PARVA: variants seen among roughly 807,000 people sequenced by gnomAD.
PARVA encodes the protein alpha-parvin.
A neutral mutation model predicts 52.6 loss-of-function variants in PARVA; 25 were observed. The observed-to-expected ratio is 0.48, with a 90% confidence interval of 0.35 to 0.66. The LOEUF (loss-of-function observed/expected upper bound fraction) is 0.66. Ranked by LOEUF, PARVA falls within the 30% of genes least tolerant of loss-of-function variation. The pLI, the probability that PARVA is intolerant of heterozygous loss-of-function variation, is 0.01. For synonymous variants in PARVA, 185 were observed against 179.1 expected (o/e 1.03, Z -0.26); for missense variants, 373 against 450.9 (o/e 0.83, Z 1.56).
intron 11 of PARVA, 43 bp downstream of exon 11, chr11:12,517,754 C>A (rs986679122): frequency 2.2e-6 from 3 of 1,370,998 alleles, no homozygotes; most frequent in South Asian, 1.2e-5. Context: ...AGCCCACATC[C>A]CCTGACTCAT....
chr11:12,378,160 C>T (rs1048345326), intron 1 of PARVA, among the ~76,000 whole-genome samples: 12 of 152,048 alleles, frequency 7.9e-5, no homozygotes, highest in Non-Finnish European at 1.5e-4. Context: ...CCCTGCCCCG[C>T]CCTCTGCGCC....
chr11:12,522,001 G>A (rs1941642807), intron 12 of PARVA, among the ~76,000 whole-genome samples: 1 of 152,164 alleles, frequency 6.6e-6, no homozygotes, highest in Admixed American at 6.5e-5. Flanking sequence ...TTGATTTCTA[G>A]AATTCAGAGA....
chr11:12,400,744 G>A (rs993177973), intron 1 of PARVA, among the ~76,000 whole-genome samples: 4 of 152,122 alleles, frequency 2.6e-5, no homozygotes, highest in African/African-American at 9.7e-5. Flanking sequence ...TTTTGCAACT[G>A]TTTTGCATCC....
chr11:12,439,400 C>T (rs963808922), intron 1 of PARVA, among the ~76,000 whole-genome samples: 7 of 152,146 alleles, frequency 4.6e-5, no homozygotes, highest in African/African-American at 1.4e-4. Context: ...GGACTCTGCC[C>T]GTTTGATTCA....
At chr11:12,471,882 C>T (rs370304852) in intron 1 of PARVA, among the ~76,000 whole-genome samples, 28 of 152,206 alleles carry the variant, frequency 1.8e-4, no homozygotes, top group African/African-American at 6.8e-4. Context: ...CTTCATTGGC[C>T]AGTAAGCCTA....
intron 12 of PARVA, among the ~76,000 whole-genome samples, chr11:12,518,805 T>G (rs1941603956): frequency 6.6e-6 from 1 of 152,192 alleles, no homozygotes; most frequent in Admixed American, 6.5e-5. Flanking sequence ...TTTCCAGGTT[T>G]TCCTGTCCCT....
Position 12,434,199 on chromosome 11 carries a change from T to C in PARVA, c.137-39546T>C, listed in dbSNP as rs866133131. On this transcript the variant is annotated intron_variant, in intron 1 of 12. Transcript: ENST00000334956. ...TACCACGTAAGCAGTTTTTCCATCC[T>C]GTTTTGAAAGGCAGTGGGGGGCAAG... Among the ~76,000 whole-genome samples, 13 of 152,302 alleles carry C rather than the reference T, an allele frequency of 8.5e-5. No homozygotes were observed. In the South Asian group the frequency reaches 2.7e-3, roughly 32 times the overall value.
intron 1 of PARVA, among the ~76,000 whole-genome samples, chr11:12,402,300 A>G (rs1939839382): frequency 6.6e-6 from 1 of 152,176 alleles, no homozygotes; most frequent in South Asian, 2.1e-4. Flanking sequence ...GCAAAACCAT[A>G]ACTGCCAATG....
chr11:12,529,098 G>C lies in PARVA; in HGVS notation c.*1173G>C, dbSNP rs1941740550. 1 of 152,262 alleles carries C rather than the reference G, an allele frequency of 6.6e-6. No homozygotes were observed. Among genetic ancestry groups the C allele is most frequent in the South Asian group, 2.1e-4 (1 of 4,816 alleles). The allele number at this position is 152,262 out of a possible 1,614,324, so 9.4% of individuals were successfully genotyped here. On this transcript the variant is annotated 3_prime_UTR_variant, in exon 13 of 13. Transcript: ENST00000334956. ...ACTTTAAAGAAAGGAACTTCTTTTT[G>C]CCTTCTAATTGATCATTTAGACTAT...
intron 1 of PARVA, chr11:12,398,446 C>A (rs1026843542): frequency 2.7e-5 from 4 of 149,256 alleles, no homozygotes; most frequent in African/African-American, 1.0e-4. Context: ...AGAGCCCTGA[C>A]TGGGGTAGGC....
chr11:12,504,489 T>A, intron 6 of PARVA, 60 bp downstream of exon 6: 1 of 1,041,730 alleles, frequency 9.6e-7, no homozygotes, highest in Non-Finnish European at 1.5e-6. Flanking sequence ...GTCGAGTTCC[T>A]ATGGTGCGTC....
At position 12,490,248 on chromosome 11, in the gene PARVA, G is replaced by T. The variant is rs1941217775; in HGVS notation, c.401-6210G>T. ...AAAAAAAAAAGTTAGGAGAGGCGGG[G>T]CTCAGTGACTCACGCCTGTAATCCC... On this transcript the variant is annotated intron_variant, in intron 4 of 12. Transcript: ENST00000334956. Among the ~76,000 whole-genome samples the T allele has an allele frequency of 2.0e-5, 3 of 147,788 alleles. No individual in the cohort carries two copies. In the South Asian group the frequency reaches 6.4e-4, roughly 32 times the overall value.
At chr11:12,378,132 A>G (rs1457691008) in intron 1 of PARVA, among the ~76,000 whole-genome samples, 1 of 151,768 alleles carries the variant, frequency 6.6e-6, no homozygotes, top group East Asian at 1.9e-4. Flanking sequence ...CAGCCCGCAG[A>G]CAGTGCGATC....
intron 1 of PARVA, among the ~76,000 whole-genome samples, chr11:12,456,755 C>T (rs935792243): frequency 1.3e-4 from 20 of 152,114 alleles, no homozygotes; most frequent in African/African-American, 4.6e-4. Context: ...TTGAGGCCCT[C>T]CCTGATTTCC....
In PARVA at chr11:12,529,991, G is replaced by C. The variant is rs1218688941; in HGVS notation, c.*2066G>C. 1 of 152,166 alleles carries C rather than the reference G, an allele frequency of 6.6e-6. No individual in the cohort carries two copies. The highest frequency in any genetic ancestry group is 2.4e-5 in the African/African-American group (1 of 41,440). 9.4% of individuals were successfully genotyped at this position (152,166 alleles called of 1,614,324 possible). ...CATTTTCTTGAGCAATACTGAAGCA[G>C]GATGAAGTAAGAGGAATGCATTCAT... On this transcript the variant is annotated 3_prime_UTR_variant, in exon 13 of 13. Transcript: ENST00000334956.
At chr11:12,477,735 A>G (rs1287363580) in intron 3 of PARVA, 112 bp from the exon 4 acceptor site, 3 of 667,418 alleles carry the variant, frequency 4.5e-6, no homozygotes, top group Non-Finnish European at 8.0e-6. Context: ...TGAAACTTAA[A>G]ATCTAAAGTT....
intron 6 of PARVA, among the ~76,000 whole-genome samples, chr11:12,506,561 A>G (rs900998231): frequency 1.3e-5 from 2 of 152,250 alleles, no homozygotes; most frequent in African/African-American, 4.8e-5. Context: ...AACAGTGGTC[A>G]TTGCAAGCCT....
chr11:12,401,448 G>T (rs183331201), intron 1 of PARVA, among the ~76,000 whole-genome samples: 11 of 152,268 alleles, frequency 7.2e-5, no homozygotes, highest in Admixed American at 5.9e-4. Flanking sequence ...TTGCCAATGG[G>T]ATCCTGTTTT....
At chr11:12,461,610 G>T (rs1477385225) in intron 1 of PARVA, among the ~76,000 whole-genome samples, 4 of 152,124 alleles carry the variant, frequency 2.6e-5, no homozygotes, top group Non-Finnish European at 1.5e-5. Context: ...AAATTGTTTC[G>T]ACTGCCTGAA....
Sources: gnomAD v4.1 joint callset for allele counts (sites outside exome capture counted in the v4.1 genomes callset) on GRCh38, gnomAD v4.1.1 for gene constraint, MANE v1.5 for transcripts, NCBI Gene and HGNC (gene_info 2026-07-23, HGNC 2026-07-21) for gene names.